Variants in CLYBL observed in about 807,000 individuals in gnomAD.
The protein encoded by CLYBL is citramalyl-CoA lyase.
A neutral mutation model predicts 38.9 loss-of-function variants in CLYBL; 31 were observed. The ratio of observed to expected loss-of-function variants is 0.80; its 90% CI spans 0.60 to 1.08. CLYBL has a LOEUF of 1.08. Ranked by LOEUF, CLYBL falls within the 50% of genes least tolerant of loss-of-function variation. The pLI is 0.00. For synonymous variants in CLYBL, 171 were observed against 158.6 expected (o/e 1.08, Z -0.59); for missense variants, 434 against 411.6 (o/e 1.05, Z -0.47).
chr13:99,618,834 A>G (rs1396248394), intron 1 of CLYBL, among the ~76,000 whole-genome samples: 1 of 152,074 alleles, frequency 6.6e-6, no homozygotes, highest in Non-Finnish European at 1.5e-5. Flanking sequence ...GGCTTATTTC[A>G]CTCAGCATAA....
chr13:99,854,447 G>A (rs544132018), intron 2 of CLYBL, among the ~76,000 whole-genome samples: 8 of 151,404 alleles, frequency 5.3e-5, no homozygotes, highest in African/African-American at 1.7e-4. Context: ...TAGAATTGAT[G>A]CCGCTCTAAT....
chr13:99,638,039 C>G (rs1458556047), intron 1 of CLYBL, among the ~76,000 whole-genome samples: 1 of 144,968 alleles, frequency 6.9e-6, no homozygotes. Context: ...TCGCGGTTCA[C>G]TGCATTCTCG....
chr13:99,728,591 A>G, intron 1 of CLYBL, among the ~76,000 whole-genome samples: 1 of 150,026 alleles, frequency 6.7e-6, no homozygotes, highest in Non-Finnish European at 1.5e-5. Context: ...TTTCTTTTTA[A>G]TAGAGACAGG....
intron 1 of CLYBL, among the ~76,000 whole-genome samples, chr13:99,636,272 C>G (rs996301844): frequency 6.6e-6 from 1 of 152,212 alleles, no homozygotes; most frequent in Non-Finnish European, 1.5e-5. Flanking sequence ...ATTGCTCACC[C>G]TTGCTGCAGA....
chr13:99,683,010 TTACAGGTGTGAGTCACC>T (rs2047760133), intron 1 of CLYBL, among the ~76,000 whole-genome samples: 1 of 151,794 alleles, frequency 6.6e-6, no homozygotes, highest in Non-Finnish European at 1.5e-5. Flanking sequence ...AGTGCTGGGA[TTACAGGTGTGAGTCACC>T]ACACCTGGCC....
chr13:99,850,879 G>A (rs1450047184), intron 2 of CLYBL, among the ~76,000 whole-genome samples: 1 of 152,212 alleles, frequency 6.6e-6, no homozygotes, highest in East Asian at 1.9e-4. Flanking sequence ...GCTGTGACAT[G>A]AATGAACCTT....
In CLYBL at chr13:99,606,775, T is replaced by C; in HGVS notation, c.62+18T>C. ...CTGAGGCTGTGAGTGCAGGTCCCCG[T>C]TCCCCGCCTTCCCGGCCCGGCTCGC... On this transcript the variant is annotated intron_variant, in intron 1 of 8. Transcript: ENST00000339105. The C allele has an allele frequency of 7.2e-7, 1 of 1,387,524 alleles. No individual in the cohort carries two copies. The highest frequency in any genetic ancestry group is 1.6e-5 in the South Asian group (1 of 62,666). The allele number at this position is 1,387,524 out of a possible 1,614,324, so 86.0% of individuals were successfully genotyped here.
chr13:99,808,061 GGTTTTT>G (rs994662569), intron 2 of CLYBL, among the ~76,000 whole-genome samples: 3 of 151,926 alleles, frequency 2.0e-5, no homozygotes, highest in African/African-American at 7.3e-5. Context: ...GGATCCTCTT[GGTTTTT>G]GTTTTTGTTT....
At chr13:99,772,105 GT>G (rs1019739733) in intron 1 of CLYBL, among the ~76,000 whole-genome samples, 9 of 149,362 alleles carry the variant, frequency 6.0e-5, no homozygotes, top group African/African-American at 2.0e-4. Flanking sequence ...GACTTCGTTA[GT>G]TTTTTTTTTC....
chr13:99,847,199 A>G (rs942553701), intron 2 of CLYBL, among the ~76,000 whole-genome samples: 62 of 152,146 alleles, frequency 4.1e-4, no homozygotes, highest in African/African-American at 1.3e-3. Context: ...TTATGAGCCA[A>G]TCACTCTTGA....
At chr13:99,854,538 T>C (rs1245868578) in intron 2 of CLYBL, among the ~76,000 whole-genome samples, 1 of 151,892 alleles carries the variant, frequency 6.6e-6, no homozygotes, top group Non-Finnish European at 1.5e-5. Flanking sequence ...TACTTCACAC[T>C]CGATTTATTC....
Position 99,776,169 on chromosome 13 carries a change from A to C in CLYBL, c.249+3159A>C, listed in dbSNP as rs868090389. ...ACAGAGCAAGACTCCATCTCAAAAA[A>C]AAAAAACCAAAAAACAAATAATAAT... On this transcript the variant is annotated intron_variant, in intron 2 of 8. Transcript: ENST00000339105. 1.1e-3 allele frequency among the ~76,000 whole-genome samples: 78 copies of C among 72,178 alleles called. 1 individual carries two copies. The highest frequency in any genetic ancestry group is 0.014 in the Middle Eastern group (2 of 144). 47.4% of individuals were successfully genotyped at this position (72,178 alleles called of 152,430 possible).
intron 7 of CLYBL, among the ~76,000 whole-genome samples, chr13:99,890,542 T>C (rs1242686602): frequency 6.6e-6 from 1 of 152,200 alleles, no homozygotes; most frequent in Non-Finnish European, 1.5e-5. Context: ...CTTGGCTCAC[T>C]GCAACCTCCA....
intron 1 of CLYBL, among the ~76,000 whole-genome samples, chr13:99,682,826 T>C (rs1594117619): frequency 6.6e-6 from 1 of 151,936 alleles, no homozygotes. Context: ...AATCTCAGCC[T>C]CCCGAGTTCA....
At chr13:99,804,612 C>T (rs933566896) in intron 2 of CLYBL, among the ~76,000 whole-genome samples, 4 of 152,108 alleles carry the variant, frequency 2.6e-5, no homozygotes, top group Admixed American at 1.3e-4. Context: ...TGCCTTTATA[C>T]CTGAAATGTT....
At chr13:99,741,396 A>G (rs1391645000) in intron 1 of CLYBL, among the ~76,000 whole-genome samples, 9 of 152,330 alleles carry the variant, frequency 5.9e-5, no homozygotes, top group Non-Finnish European at 4.4e-5. Flanking sequence ...AGAGAGTGAC[A>G]AGAACATGGC....
chr13:99,736,710 G>A (rs537922429), intron 1 of CLYBL, among the ~76,000 whole-genome samples: 6 of 152,126 alleles, frequency 3.9e-5, no homozygotes, highest in African/African-American at 1.2e-4. Flanking sequence ...CTCCCTCCAC[G>A]GCCAGATTTC....
intron 1 of CLYBL, among the ~76,000 whole-genome samples, chr13:99,754,900 C>T (rs1176256133): frequency 1.4e-5 from 2 of 143,100 alleles, no homozygotes; most frequent in Non-Finnish European, 3.0e-5. Context: ...CCTAGATGAT[C>T]TCTTTTTTTT....
chr13:99,676,407 T>A (rs1475144157), intron 1 of CLYBL, among the ~76,000 whole-genome samples: 2 of 151,482 alleles, frequency 1.3e-5, no homozygotes, highest in Non-Finnish European at 2.9e-5. Flanking sequence ...CCTCATTTGT[T>A]CTCATGTCTT....
Sources: allele counts gnomAD v4.1 joint callset (sites outside exome capture counted in the v4.1 genomes callset), GRCh38; gene constraint gnomAD v4.1.1; transcripts MANE v1.5; gene names NCBI Gene and HGNC (gene_info 2026-07-23, HGNC 2026-07-21).